PRL: variants seen among roughly 807,000 people sequenced by gnomAD.
PRL encodes the protein prolactin, also known as decidual prolactin.
Under a neutral mutation model 21.3 loss-of-function variants are expected in PRL, and 24 were observed. The ratio of observed to expected loss-of-function variants is 1.13; its 90% confidence interval spans 0.82 to 1.59. The LOEUF (loss-of-function observed/expected upper bound fraction) is 1.59, where lower values mean the gene tolerates loss of function less well. Ranked by LOEUF, PRL falls within the 40% of genes most tolerant of loss-of-function variation. PRL has a pLI of 0.00. For missense variants in PRL, 243 were observed against 286.9 expected (o/e 0.85, Z 1.10); for synonymous variants, 118 against 115.7 (o/e 1.02, Z -0.13).
Position 22,296,744 on chromosome 6 carries a change from A to G in PRL, c.28+211T>C, listed in dbSNP as rs1761184089. 1.3e-5 allele frequency among the ~76,000 whole-genome samples: 2 copies of G among 152,180 alleles called. 1 individual carries two copies. The highest frequency in any genetic ancestry group is 1.3e-4 in the Admixed American group (2 of 15,284). ...AAGACAACCCAAAACATCTCCCGAC[A>G]TTGCCAAATGCCTCTGAGAGAGGAT... On this transcript the variant is annotated intron_variant, in intron 1 of 4. Coordinates refer to ENST00000306482, the MANE Select transcript of PRL (RefSeq NM_000948.6).
At chr6:22,297,302 GTT>G, upstream of PRL, 1 of 364,804 alleles carries the variant, frequency 2.7e-6, no homozygotes, top group East Asian at 4.9e-5. Context: ...GACTAGATTG[GTT>G]TGGAGGATCT....
upstream of PRL, among the ~76,000 whole-genome samples, chr6:22,302,205 A>G (rs749810750): frequency 1.3e-5 from 2 of 152,178 alleles, no homozygotes; most frequent in Admixed American, 1.3e-4. Context: ...AGTTCTGACT[A>G]TAACCCTTCA....
upstream of PRL, chr6:22,297,306 G>A (rs1581389474): frequency 8.5e-6 from 3 of 354,818 alleles, no homozygotes; most frequent in South Asian, 1.1e-4. Flanking sequence ...AGATTGGTTT[G>A]GAGGATCTAT....
rs1761131070 is a variant in PRL at position 22,294,460 on chromosome 6, G to A, written c.153C>T (p.Val51=). The part of the protein sequence containing the change: ...VTLRDLFDRA[V]VLSHYIHNLS... ...GGTTATGGATGTAGTGGGACAGGAC[G>A]ACGGCGCGGTCAAACAGGTCTCGAA... Residue 51 remains valine (V), a synonymous_variant, in exon 2 of 5, where the codon GTC becomes GTT. Transcript: ENST00000306482. The A allele has an allele frequency of 1.9e-6, 3 of 1,614,048 alleles. No individual in the cohort carries two copies. The highest frequency in any genetic ancestry group is 1.3e-5 in the African/African-American group (1 of 74,924).
rs575890727 is a variant in PRL, at chr6:22,289,918, G to C, written c.492+256C>G. Reference sequence around the variant, plus strand: ...CTCCCTTGAAAACACTTAACTTCTTGTCCTCAGGAAGGGGCAAGTCTTTTG... The same window carrying C: ...CTCCCTTGAAAACACTTAACTTCTTCTCCTCAGGAAGGGGCAAGTCTTTTG... On this transcript the variant is annotated intron_variant, in intron 4 of 4. Transcript: ENST00000306482. Among the ~76,000 whole-genome samples the C allele has an allele frequency of 1.5e-4, 23 of 152,240 alleles. No individual in the cohort carries two copies. In the South Asian group the frequency reaches 4.6e-3, roughly 30 times the overall value.
At chr6:22,292,760 T>C in intron 2 of PRL, 115 bp from the exon 3 acceptor site, 1 of 778,930 alleles carries the variant, frequency 1.3e-6, no homozygotes, top group Non-Finnish European at 2.0e-6. Flanking sequence ...AAATTAGAGC[T>C]ACATAAAAAT....
At chr6:22,293,185 C>T (rs73389174) in intron 2 of PRL, among the ~76,000 whole-genome samples, 1,845 of 152,198 alleles carry the variant, frequency 0.012, 29 homozygotes, top group African/African-American at 0.04. Flanking sequence ...AGAAACGGAA[C>T]ACAACTTTTT....
In PRL at chr6:22,287,415, T is replaced by C. The variant is rs1277036674; in HGVS notation, c.671A>G (p.Asn224Ser). 1.2e-6 allele frequency: 2 copies of C among 1,613,168 alleles called. No homozygotes were observed. Among genetic ancestry groups the C allele is most frequent in the Admixed American group, 1.7e-5 (1 of 59,994 alleles). ...LKLLKCRIIHNNNC is the reference protein window; with the variant it reads ...LKLLKCRIIHSNNC The stretch of plus-strand genomic sequence containing the variant: ...ATGGATGTGGGCTTAGCAGTTGTTG[T>C]TGTGGATGATTCGGCACTTCAGGAG... The change falls in exon 5 of 5, where the codon AAC becomes AGC. Residue 224 changes from asparagine (N) to serine (S), a missense_variant. Transcript: ENST00000306482.
At chr6:22,301,200 T>C (rs956414292), upstream of PRL, among the ~76,000 whole-genome samples, 7 of 152,206 alleles carry the variant, frequency 4.6e-5, no homozygotes, top group East Asian at 1.3e-3. Flanking sequence ...TAGGGATCAA[T>C]TGGTCTATCT....
At position 22,288,911 on chromosome 6, in the gene PRL, T is replaced by C. The variant is rs1205957; in HGVS notation, c.492+1263A>G. ...GTGTGTGTGCGTGTGTGCGCGCGCGTGTGTGTGCGTGCGCGTGTGTGTGCA... is the reference window on the plus strand; with the variant it reads ...GTGTGTGTGCGTGTGTGCGCGCGCGCGTGTGTGCGTGCGCGTGTGTGTGCA... On this transcript the variant is annotated intron_variant, in intron 4 of 4. Transcript: ENST00000306482. This position sits in a 1 kb window ranked among gnomAD's most constrained non-coding sequence, Gnocchi z 4.5. Among the ~76,000 whole-genome samples, 61,658 of 150,110 alleles carry C rather than the reference T, an allele frequency of 0.41. 13,241 individuals carry two copies. The highest frequency in any genetic ancestry group is 0.64 in the East Asian group (3,249 of 5,090).
rs764326336 is a variant in PRL, at chr6:22,294,492, C to A, written c.121G>T (p.Val41Leu). ...ICPGGAARCQ[V>L]TLRDLFDRAV... ...CGGTCAAACAGGTCTCGAAGGGTCA[C>A]CTGGCATCGGGCAGCCCCGCCGGGA... The change falls in exon 2 of 5, where the codon GTG becomes TTG. Residue 41 changes from valine to leucine, a missense_variant. Coordinates refer to ENST00000306482, the MANE Select transcript of PRL (RefSeq NM_000948.6). 1 of 1,614,174 alleles carries A rather than the reference C, an allele frequency of 6.2e-7. No homozygotes were observed. Among genetic ancestry groups the A allele is most frequent in the Non-Finnish European group, 8.5e-7 (1 of 1,180,038 alleles).
rs745471513 is a variant in PRL, at chr6:22,288,859, AGT to A, written c.493-1268_493-1267del. On this transcript the variant is annotated intron_variant, in intron 4 of 4. Transcript: ENST00000306482. The surrounding 1 kb of genome is among the most constrained non-coding windows in gnomAD (Gnocchi z 4.5). Reference sequence around the variant, plus strand: ...TCTGGGATTCCCTATTGGAATTTAAAGTGTGTGTGTGTGTATGCGCGTGCGCG... The same window carrying A: ...TCTGGGATTCCCTATTGGAATTTAAAGTGTGTGTGTGTATGCGCGTGCGCG... Among the ~76,000 whole-genome samples the A allele has an allele frequency of 8.6e-5, 13 of 151,508 alleles. No homozygotes were observed. Among genetic ancestry groups the A allele is most frequent in the East Asian group, 1.9e-4 (1 of 5,142 alleles).
upstream of PRL, among the ~76,000 whole-genome samples, chr6:22,298,708 G>A (rs150595141): frequency 3.6e-3 from 546 of 152,248 alleles, 3 homozygotes; most frequent in Non-Finnish European, 6.3e-3. Flanking sequence ...TTTTTCCCTG[G>A]ATGGAGAGAG....
At position 22,288,888 on chromosome 6, in the gene PRL, G is replaced by C. The variant is rs1006088603; in HGVS notation, c.492+1286C>G. ...TGTGTGTGTGTATGCGCGTGCGCGT[G>C]TGTGTGCGTGTGTGCGCGCGCGTGT... On this transcript the variant is annotated intron_variant, in intron 4 of 4. Coordinates refer to ENST00000306482, the MANE Select transcript of PRL (RefSeq NM_000948.6). This position sits in a 1 kb window ranked among gnomAD's most constrained non-coding sequence, Gnocchi z 4.5. Among the ~76,000 whole-genome samples, 2 of 151,912 alleles carry C rather than the reference G, an allele frequency of 1.3e-5. No homozygotes were observed. The highest frequency in any genetic ancestry group is 4.8e-5 in the African/African-American group (2 of 41,320).
At chr6:22,294,355 C>T in intron 2 of PRL, 54 bp downstream of exon 2, 1 of 1,600,716 alleles carries the variant, frequency 6.2e-7, no homozygotes, top group East Asian at 2.2e-5. Context: ...TAGCAGAGCC[C>T]AGTAGTTCAT....
chr6:22,298,966 C>A (rs1761232390), upstream of PRL, among the ~76,000 whole-genome samples: 1 of 152,152 alleles, frequency 6.6e-6, no homozygotes, highest in Non-Finnish European at 1.5e-5. Flanking sequence ...GTACAGGTTT[C>A]TCTGTAAAAT....
At chr6:22,295,240 T>C (rs1282975270) in intron 1 of PRL, among the ~76,000 whole-genome samples, 1 of 152,230 alleles carries the variant, frequency 6.6e-6, no homozygotes, top group Non-Finnish European at 1.5e-5. Context: ...CCTTGTGAGA[T>C]ACACTGGGCC....
At chr6:22,292,736 T>A in intron 2 of PRL, 91 bp from the exon 3 acceptor site, 2 of 1,035,776 alleles carry the variant, frequency 1.9e-6, no homozygotes, top group South Asian at 3.6e-5. Flanking sequence ...CTTTGGCAGA[T>A]GTGTAATTTT....
chr6:22,299,876 G>A (rs537467386), upstream of PRL, among the ~76,000 whole-genome samples: 41 of 151,978 alleles, frequency 2.7e-4, no homozygotes, highest in Non-Finnish European at 4.0e-4. Context: ...TAACCTAGGA[G>A]GTGTCTACTG....
Sources: allele counts gnomAD v4.1 joint callset (sites outside exome capture counted in the v4.1 genomes callset), GRCh38; gene constraint gnomAD v4.1.1; non-coding constraint Gnocchi (gnomAD v3.1); transcripts MANE v1.5; gene names NCBI Gene and HGNC (gene_info 2026-07-23, HGNC 2026-07-21).